The following BCKDHB variants were observed in gnomAD, a reference collection of about 807,000 sequenced individuals.
BCKDHB encodes 2-oxoisovalerate dehydrogenase subunit beta, mitochondrial.
BCKDHB carries 41 observed loss-of-function variants against 48.5 expected under a neutral mutation model. That is an observed-to-expected ratio of 0.85 (90% CI 0.66 to 1.10). The LOEUF is 1.10. BCKDHB is among the 50% of genes least tolerant of loss of function. BCKDHB has a pLI of 0.00. For synonymous variants in BCKDHB, 201 were observed against 174.8 expected (o/e 1.15, Z -1.18); for missense variants, 496 against 494.2 (o/e 1.00, Z -0.03).
Position 80,304,892 on chromosome 6 carries a change from A to G in BCKDHB, c.1038+31671A>G, listed in dbSNP as rs549970303. On this transcript the variant is annotated intron_variant, in intron 9 of 9. Coordinates refer to ENST00000320393, the MANE Select transcript of BCKDHB (RefSeq NM_183050.4). ...TTATCATTAAAAGAAGAAATTAGAA[A>G]CTTCCTTTACCTGATAAAGGTTATC... Among the ~76,000 whole-genome samples the G allele has an allele frequency of 5.3e-5, 8 of 152,234 alleles. No homozygotes were observed. The South Asian group carries it at 6.2e-4, about 12-fold the overall frequency.
chr6:80,317,590 G>C (rs942712515), intron 9 of BCKDHB, among the ~76,000 whole-genome samples: 2 of 152,182 alleles, frequency 1.3e-5, no homozygotes, highest in African/African-American at 4.8e-5. Context: ...GCCCATCTGG[G>C]TAATCCAGGC....
chr6:80,286,097 A>C (rs1766616193), intron 9 of BCKDHB, among the ~76,000 whole-genome samples: 2 of 152,172 alleles, frequency 1.3e-5, no homozygotes, highest in African/African-American at 4.8e-5. Context: ...TTTTCTGCTT[A>C]TGCTGTTAAT....
Position 80,169,949 on chromosome 6 carries a change from T to G in BCKDHB, c.633+919T>G, listed in dbSNP as rs142095252. The G allele has an allele frequency of 3.3e-4, 479 of 1,447,910 alleles. 3 individuals are homozygous for G. In the African/African-American group the frequency reaches 6.1e-3, roughly 18 times the overall value. The allele number at this position is 1,447,910 out of a possible 1,614,324, so 89.7% of individuals were successfully genotyped here. The stretch of plus-strand genomic sequence containing the variant: ...GAGCTAAACATTAATTCACATTTAA[T>G]ATTTATAACATTATATTGTTTTTAA... On this transcript the variant is annotated intron_variant, in intron 5 of 9. Transcript: ENST00000320393.
At chr6:80,269,273 C>T (rs964990355) in intron 8 of BCKDHB, among the ~76,000 whole-genome samples, 4 of 152,102 alleles carry the variant, frequency 2.6e-5, no homozygotes, top group Non-Finnish European at 5.9e-5. Flanking sequence ...TTTGGCAATG[C>T]CGTGTGTACG....
At chr6:80,332,285 C>T (rs1361451619) in intron 9 of BCKDHB, among the ~76,000 whole-genome samples, 2 of 152,156 alleles carry the variant, frequency 1.3e-5, no homozygotes, top group Non-Finnish European at 2.9e-5. Context: ...CAGTGAGATC[C>T]TATACTGCAC....
At chr6:80,401,089 G>A in the BCKDHB span, among the ~76,000 whole-genome samples, 69 of 147,028 alleles carry the variant, frequency 4.7e-4, 6 homozygotes, top group African/African-American at 1.8e-3. Flanking sequence ...AGAGGGAGAA[G>A]ATAAGAAAAA....
chr6:80,334,979 G>C (rs930744396), intron 9 of BCKDHB, among the ~76,000 whole-genome samples: 5 of 151,850 alleles, frequency 3.3e-5, no homozygotes, highest in African/African-American at 1.2e-4. Flanking sequence ...TGGTGCCAGA[G>C]AGGGAGAAAT....
the BCKDHB span, among the ~76,000 whole-genome samples, chr6:80,396,383 C>A: frequency 2.5e-3 from 383 of 152,338 alleles, 3 homozygotes; most frequent in African/African-American, 8.7e-3. Flanking sequence ...TTTGATTTTA[C>A]AGGCTCATAG....
At chr6:80,230,062 G>A (rs686556) in intron 8 of BCKDHB, among the ~76,000 whole-genome samples, 39,210 of 104,288 alleles carry the variant, frequency 0.38, 7,188 homozygotes, top group Middle Eastern at 0.46. Context: ...TTTTTGAGAC[G>A]GAGTCTCACT....
intron 3 of BCKDHB, among the ~76,000 whole-genome samples, chr6:80,164,420 C>T (rs890054694): frequency 1.2e-4 from 19 of 152,154 alleles, no homozygotes; most frequent in African/African-American, 4.6e-4. Flanking sequence ...TAACTGTCAC[C>T]TCTCAGTGGG....
chr6:80,172,388 A>T (rs773908231), intron 6 of BCKDHB, among the ~76,000 whole-genome samples: 2 of 152,100 alleles, frequency 1.3e-5, no homozygotes, highest in Non-Finnish European at 2.9e-5. Flanking sequence ...ATATTAGAAC[A>T]TTACTACTAA....
chr6:80,117,659 C>T (rs1769776906), intron 1 of BCKDHB, among the ~76,000 whole-genome samples: 1 of 152,254 alleles, frequency 6.6e-6, no homozygotes, highest in Non-Finnish European at 1.5e-5. Context: ...TCTTAAACCA[C>T]AAACAATAGC....
At chr6:80,349,509 TAAGA>T (rs1324587498), downstream of BCKDHB, among the ~76,000 whole-genome samples, 2 of 152,210 alleles carry the variant, frequency 1.3e-5, no homozygotes, top group Non-Finnish European at 2.9e-5. Context: ...CCCTAATTAA[TAAGA>T]AAGAACTTAG....
At chr6:80,290,581 A>T (rs1392769249) in intron 9 of BCKDHB, among the ~76,000 whole-genome samples, 1 of 152,222 alleles carries the variant, frequency 6.6e-6, no homozygotes, top group East Asian at 1.9e-4. Context: ...TTGAGACTAC[A>T]GCACCAAAAA....
At chr6:80,275,036 C>G (rs1777911912) in intron 9 of BCKDHB, among the ~76,000 whole-genome samples, 1 of 151,870 alleles carries the variant, frequency 6.6e-6, no homozygotes, top group South Asian at 2.1e-4. Context: ...CAAAAATTGT[C>G]AATGAGAGTA....
chr6:80,149,785 A>T (rs1244545689), intron 3 of BCKDHB, among the ~76,000 whole-genome samples: 1 of 139,430 alleles, frequency 7.2e-6, no homozygotes, highest in African/African-American at 2.6e-5. Context: ...CAATGAGAAC[A>T]CATGGACACA....
chr6:80,414,091 A>G, the BCKDHB span, among the ~76,000 whole-genome samples: 124 of 151,966 alleles, frequency 8.2e-4, no homozygotes, highest in East Asian at 0.021. Context: ...GGCCACATGT[A>G]TGTCTTTTTT....
chr6:80,169,724 A>G, intron 5 of BCKDHB: 1 of 1,250,334 alleles, frequency 8.0e-7, no homozygotes, highest in Non-Finnish European at 1.1e-6. Context: ...GAATCCAGAG[A>G]TGTATATTTG....
chr6:80,234,495 G>A lies in BCKDHB; in HGVS notation c.951+31283G>A, dbSNP rs192894999. Among the ~76,000 whole-genome samples, 361 of 152,212 alleles carry A rather than the reference G, an allele frequency of 2.4e-3. 1 individual carries two copies. The highest frequency in any genetic ancestry group is 3.5e-3 in the Non-Finnish European group (236 of 68,020). The stretch of plus-strand genomic sequence containing the variant: ...AATAAATGGTGTCTTAAGCTTACAT[G>A]TTTTAGTTTTCAGAGCAGATTATAC... On this transcript the variant is annotated intron_variant, in intron 8 of 9. Transcript: ENST00000320393.
Sources: gnomAD v4.1 joint callset for allele counts (sites outside exome capture counted in the v4.1 genomes callset) on GRCh38, gnomAD v4.1.1 for gene constraint, MANE v1.5 for transcripts, NCBI Gene and HGNC (gene_info 2026-07-23, HGNC 2026-07-21) for gene names.